PRKCH: variants seen among roughly 807,000 people sequenced by gnomAD.
The protein encoded by PRKCH is protein kinase C eta type.
A neutral mutation model predicts 82.5 loss-of-function variants in PRKCH; 28 were observed. The ratio of observed to expected loss-of-function variants is 0.34; its 90% CI spans 0.25 to 0.47. The LOEUF (loss-of-function observed/expected upper bound fraction) is 0.47. PRKCH is among the 20% of genes least tolerant of loss of function. The probability of loss-of-function intolerance (pLI) is 1.00; values close to 1 mark genes in which losing one functional copy is unlikely to be tolerated. For synonymous variants in PRKCH, 322 were observed against 327.4 expected (o/e 0.98, Z 0.18); for missense variants, 705 against 881.8 (o/e 0.80, Z 2.54).
chr14:61,458,405 G>A (rs1884877511), intron 9 of PRKCH, among the ~76,000 whole-genome samples: 1 of 152,306 alleles, frequency 6.6e-6, no homozygotes, highest in African/African-American at 2.4e-5. Context: ...AGTGACATTG[G>A]ACATGTCTTT....
chr14:61,202,390 G>A (rs1056761480), intron 1 of PRKCH, among the ~76,000 whole-genome samples: 1 of 152,224 alleles, frequency 6.6e-6, no homozygotes, highest in South Asian at 2.1e-4. Flanking sequence ...TTCGCCTTAA[G>A]GGTGGATGGG....
chr14:61,328,254 C>T (rs1180575452), intron 1 of PRKCH, among the ~76,000 whole-genome samples: 1 of 44,750 alleles, frequency 2.2e-5, no homozygotes, highest in Non-Finnish European at 3.8e-5. Flanking sequence ...GAGACTCCGT[C>T]TCAAAAAAAA....
At chr14:61,373,177 A>G (rs1205284390) in intron 1 of PRKCH, among the ~76,000 whole-genome samples, 2 of 151,978 alleles carry the variant, frequency 1.3e-5, no homozygotes, top group African/African-American at 2.4e-5. Flanking sequence ...TCACACTGCT[A>G]TAAAGAACTA....
intron 9 of PRKCH, among the ~76,000 whole-genome samples, chr14:61,475,961 A>G (rs185029904): frequency 2.6e-5 from 4 of 152,218 alleles, no homozygotes; most frequent in East Asian, 1.9e-4. Context: ...TTTTCTATCT[A>G]TTTACTTTGT....
At chr14:61,329,296 G>A (rs536698723) in intron 1 of PRKCH, among the ~76,000 whole-genome samples, 1 of 134,874 alleles carries the variant, frequency 7.4e-6, no homozygotes, top group South Asian at 2.4e-4. Context: ...GAGTACAGTG[G>A]CACGATCTCG....
intron 12 of PRKCH, among the ~76,000 whole-genome samples, chr14:61,536,301 AG>A (rs1171995467): frequency 2.0e-5 from 3 of 152,192 alleles, no homozygotes; most frequent in African/African-American, 7.2e-5. Context: ...GTAGTAATGA[AG>A]GGTACCCCAA....
At chr14:61,194,976 C>T (rs191964010) in intron 1 of PRKCH, among the ~76,000 whole-genome samples, 119 of 152,286 alleles carry the variant, frequency 7.8e-4, no homozygotes, top group African/African-American at 2.5e-3. Flanking sequence ...TCAGGTGATC[C>T]GCCTGCCTTT....
At chr14:61,353,080 G>T (rs1339248528) in intron 1 of PRKCH, among the ~76,000 whole-genome samples, 1 of 152,164 alleles carries the variant, frequency 6.6e-6, no homozygotes, top group Non-Finnish European at 1.5e-5. Context: ...GTAAGATTTT[G>T]ACAACAAATG....
intron 9 of PRKCH, among the ~76,000 whole-genome samples, chr14:61,465,601 G>A (rs1885219003): frequency 1.3e-5 from 2 of 152,180 alleles, no homozygotes; most frequent in Admixed American, 6.5e-5. Flanking sequence ...TTTTATGCCA[G>A]TACCATAATG....
intron 1 of PRKCH, among the ~76,000 whole-genome samples, chr14:61,328,329 G>T (rs1161827575): frequency 7.2e-6 from 1 of 139,798 alleles, no homozygotes; most frequent in Non-Finnish European, 1.5e-5. Flanking sequence ...GTAATGGATT[G>T]AAAACCTTGT....
At chr14:61,222,471 G>T (rs570633263) in intron 1 of PRKCH, among the ~76,000 whole-genome samples, 23 of 152,248 alleles carry the variant, frequency 1.5e-4, no homozygotes, top group African/African-American at 5.3e-4. Flanking sequence ...CATGGACTTA[G>T]AAAGATACAG....
At chr14:61,196,582 C>G (rs1475153289) in intron 1 of PRKCH, among the ~76,000 whole-genome samples, 1 of 152,150 alleles carries the variant, frequency 6.6e-6, no homozygotes, top group Non-Finnish European at 1.5e-5. Flanking sequence ...GTTGACAGGA[C>G]TATAAAAGTT....
chr14:61,216,836 G>C (rs978005147), intron 1 of PRKCH, among the ~76,000 whole-genome samples: 1 of 152,140 alleles, frequency 6.6e-6, no homozygotes, highest in Admixed American at 6.5e-5. Flanking sequence ...ATCTAATATG[G>C]CTGTTTCTTT....
At chr14:61,509,232 T>A (rs1887274887) in intron 10 of PRKCH, among the ~76,000 whole-genome samples, 1 of 152,186 alleles carries the variant, frequency 6.6e-6, no homozygotes, top group African/African-American at 2.4e-5. Context: ...CTTAAATGAC[T>A]TTTTTAGTTT....
chr14:61,280,851 C>A lies in PRKCH; in HGVS notation c.-19+93183C>A. On this transcript the variant is annotated intron_variant, in intron 1 of 3. Coordinates refer to the PRKCH transcript ENST00000555185. The surrounding 1 kb of genome is among the most constrained non-coding windows in gnomAD (Gnocchi z 5.0). ...CTGGGCCCTGGAAGAGCTCGGGCAG[C>A]GAGAAGTACCAGGCGCACGAGCAGG... is the stretch of plus-strand genomic sequence containing the variant. 6.4e-7 allele frequency: 1 copy of A among 1,565,130 alleles called. No homozygotes were observed. The highest frequency in any genetic ancestry group is 8.6e-7 in the Non-Finnish European group (1 of 1,163,790).
intron 2 of PRKCH, among the ~76,000 whole-genome samples, chr14:61,441,570 A>G (rs1277436798): frequency 6.6e-6 from 1 of 152,182 alleles, no homozygotes; most frequent in African/African-American, 2.4e-5. Flanking sequence ...TTGCACTTAC[A>G]GTTTTAGGAA....
intron 10 of PRKCH, 102 bp from the exon 11 acceptor site, chr14:61,528,973 C>CTTGTGTGTGT: frequency 1.9e-6 from 1 of 531,588 alleles, no homozygotes; most frequent in South Asian, 3.6e-5. Context: ...TGTGGCCGCA[C>CTTGTGTGTGT]GTGTGTGTGT....
chr14:61,481,028 AC>A (rs143684072), intron 9 of PRKCH, among the ~76,000 whole-genome samples: 1,892 of 151,080 alleles, frequency 0.013, 35 homozygotes, highest in African/African-American at 0.043. Context: ...TTCCACCTCC[AC>A]CTCCAGGCTG....
chr14:61,340,527 G>T (rs931410505), intron 1 of PRKCH, among the ~76,000 whole-genome samples: 1 of 152,108 alleles, frequency 6.6e-6, no homozygotes. Flanking sequence ...TCCCCCCTGA[G>T]CCCAACTATT....
Sources: gnomAD v4.1 joint callset for allele counts (sites outside exome capture counted in the v4.1 genomes callset) on GRCh38, gnomAD v4.1.1 for gene constraint, Gnocchi (gnomAD v3.1) non-coding constraint, MANE v1.5 for transcripts, NCBI Gene and HGNC (gene_info 2026-07-23, HGNC 2026-07-21) for gene names.